Variants in TDRD9 observed in about 807,000 individuals in gnomAD.
TDRD9 encodes tudor domain containing 9, also known as ATP-dependent RNA helicase TDRD9.
Under a neutral mutation model 172.6 loss-of-function variants are expected in TDRD9, and 124 were observed. The observed-to-expected ratio is 0.72, with a 90% confidence interval of 0.62 to 0.83. The LOEUF (loss-of-function observed/expected upper bound fraction) is 0.83. Among genes scored for constraint, TDRD9 ranks in the 40% least tolerant of loss-of-function variants. TDRD9 has a pLI of 0.00. For synonymous variants in TDRD9, 619 were observed against 617.1 expected (o/e 1.00, Z -0.05); for missense variants, 1,479 against 1,714.1 (o/e 0.86, Z 2.42).
At chr14:104,024,701 C>A in intron 25 of TDRD9, 21 bp downstream of exon 25, 1 of 1,367,022 alleles carries the variant, frequency 7.3e-7, no homozygotes, top group Non-Finnish European at 1.0e-6. Flanking sequence ...AGTAATTGAG[C>A]TTTTCCTTCT....
At chr14:103,971,000 T>C (rs908203357) in intron 6 of TDRD9, among the ~76,000 whole-genome samples, 2 of 152,136 alleles carry the variant, frequency 1.3e-5, no homozygotes, top group Admixed American at 6.5e-5. Flanking sequence ...TTTTTTTTTT[T>C]TGAGACGGAG....
intron 12 of TDRD9, among the ~76,000 whole-genome samples, chr14:103,996,946 G>A (rs2034080311): frequency 6.6e-6 from 1 of 152,080 alleles, no homozygotes; most frequent in Admixed American, 6.5e-5. Context: ...GGTAGGAGAA[G>A]GCAAGAGTGT....
intron 33 of TDRD9, among the ~76,000 whole-genome samples, chr14:104,041,217 T>C (rs2035603201): frequency 1.3e-5 from 2 of 152,176 alleles, no homozygotes; most frequent in Non-Finnish European, 2.9e-5. Context: ...AAGGGGCTTA[T>C]GGGCTTGAAA....
intron 9 of TDRD9, among the ~76,000 whole-genome samples, chr14:103,991,487 AC>A (rs1254861449): frequency 6.6e-6 from 1 of 151,536 alleles, no homozygotes; most frequent in East Asian, 1.9e-4. Flanking sequence ...ATCTTGGCTC[AC>A]TGCAACCTCT....
chr14:103,969,745 T>C (rs534459565), intron 5 of TDRD9, among the ~76,000 whole-genome samples: 1 of 145,384 alleles, frequency 6.9e-6, no homozygotes, highest in South Asian at 2.1e-4. Flanking sequence ...TGATGTTTCC[T>C]AAGTTCTAGA....
Position 103,966,801 on chromosome 14 carries a change from G to T in TDRD9, c.735G>T (p.Leu245Phe), listed in dbSNP as rs1382410617. The change falls in exon 5 of 36, where the codon TTG (leucine) becomes TTT (phenylalanine). Residue 245 changes from leucine (L) to phenylalanine (F), a missense_variant. Around this residue, in one of 3 missense-constraint regions of TDRD9, gnomAD observed 1,413 missense variants for 1,649.1 expected, o/e 0.86. Coordinates refer to ENST00000409874, the MANE Select transcript of TDRD9 (RefSeq NM_153046.3). Reference protein sequence around the residue: ...LLQKIVSAKSLMEFTHIIIDE... With the variant: ...LLQKIVSAKSFMEFTHIIIDE... ...AGAAAATAGTTAGTGCCAAGAGTTT[G>T]ATGGAATTCACACATATCATCATTG... 6.4e-7 allele frequency: 1 copy of T among 1,550,878 alleles called. No homozygotes were observed.
At chr14:104,013,746 G>A (rs1209210348) in intron 20 of TDRD9, 1 of 151,632 alleles carries the variant, frequency 6.6e-6, no homozygotes, top group Non-Finnish European at 1.5e-5. Flanking sequence ...CATGCTGATT[G>A]GGTGTTGCAT....
At chr14:103,967,004 T>G (rs1196377016) in intron 5 of TDRD9, among the ~76,000 whole-genome samples, 173 bp downstream of exon 5, 1 of 152,220 alleles carries the variant, frequency 6.6e-6, no homozygotes, top group African/African-American at 2.4e-5. Flanking sequence ...TGTTTATATT[T>G]TAAACATGAG....
intron 21 of TDRD9, 27 bp from the exon 22 acceptor site, chr14:104,015,954 C>T: frequency 6.7e-7 from 1 of 1,489,990 alleles, no homozygotes; most frequent in Non-Finnish European, 9.2e-7. Context: ...AATGCTGTTA[C>T]TTCATGAAAA....
chr14:104,051,093 A>C (rs963988156), intron 35 of TDRD9, among the ~76,000 whole-genome samples: 1 of 152,184 alleles, frequency 6.6e-6, no homozygotes, highest in Non-Finnish European at 1.5e-5. Flanking sequence ...AGTACCCAAT[A>C]GGTAGCTTTT....
chr14:104,007,032 G>A lies in TDRD9; in HGVS notation c.2008-128G>A, dbSNP rs535963749. Reference sequence around the variant, plus strand: ...GAGTGAGGTGGAAGTCCAATTTTATGAAATTGATTGAAAAAATTAAATTTG... The same window carrying A: ...GAGTGAGGTGGAAGTCCAATTTTATAAAATTGATTGAAAAAATTAAATTTG... On this transcript the variant is annotated intron_variant, in intron 18 of 35. Coordinates refer to ENST00000409874, the MANE Select transcript of TDRD9 (RefSeq NM_153046.3). The A allele has an allele frequency of 2.5e-3, 2,742 of 1,080,668 alleles. 10 individuals are homozygous for A. Among genetic ancestry groups the A allele is most frequent in the Non-Finnish European group, 3.3e-3 (2,467 of 751,418 alleles). The allele number at this position is 1,080,668 out of a possible 1,614,324, so 66.9% of individuals were successfully genotyped here.
At chr14:104,029,462 A>G (rs565070309) in intron 28 of TDRD9, among the ~76,000 whole-genome samples, 1 of 152,134 alleles carries the variant, frequency 6.6e-6, no homozygotes, top group Admixed American at 6.5e-5. Flanking sequence ...TGCTTTCTTG[A>G]TATCTTTTTT....
At chr14:104,047,548 G>T (rs2035815480) in intron 34 of TDRD9, among the ~76,000 whole-genome samples, 1 of 152,058 alleles carries the variant, frequency 6.6e-6, no homozygotes, top group African/African-American at 2.4e-5. Context: ...TTGCAGTTTT[G>T]AATTTTTTCA....
intron 1 of TDRD9, among the ~76,000 whole-genome samples, chr14:103,951,700 G>C (rs1363031832): frequency 1.3e-5 from 2 of 152,206 alleles, no homozygotes; most frequent in Non-Finnish European, 2.9e-5. Flanking sequence ...TCTGGTACTA[G>C]CTACTAATTC....
chr14:103,931,765 T>C (rs951028100), intron 1 of TDRD9, among the ~76,000 whole-genome samples: 3 of 152,188 alleles, frequency 2.0e-5, no homozygotes, highest in Non-Finnish European at 4.4e-5. Context: ...ACAGGAAGAT[T>C]AGCTAGATTG....
At position 103,994,528 on chromosome 14, in the gene TDRD9, C is replaced by T; in HGVS notation, c.1245C>T (p.Val415=). 6.2e-7 allele frequency: 1 copy of T among 1,613,756 alleles called. No individual in the cohort carries two copies. ...LTSLVHKRLQ[V]YPLHSSVALE... The stretch of plus-strand genomic sequence containing the variant: ...TTTAGTAATTTCTTAGGTTGCAGGT[C>T]TATCCACTCCATTCAAGTGTGGCTT... Residue 415 remains valine (V), a synonymous_variant, in exon 11 of 36, where the codon GTC becomes GTT. Transcript: ENST00000409874.
chr14:103,975,588 C>T (rs10147923), intron 7 of TDRD9, 35 bp downstream of exon 7: 537,757 of 1,551,940 alleles, frequency 0.35, 94,003 homozygotes, highest in Middle Eastern at 0.38. Context: ...TTATAGTGAG[C>T]GTACTCTTGT....
intron 8 of TDRD9, among the ~76,000 whole-genome samples, chr14:103,986,976 T>C (rs2033683526): frequency 6.6e-6 from 1 of 152,108 alleles, no homozygotes; most frequent in Non-Finnish European, 1.5e-5. Context: ...TAGCTGGGCA[T>C]GGTGGTGCGC....
chr14:103,973,459 G>A (rs150059622), intron 6 of TDRD9, among the ~76,000 whole-genome samples: 4 of 152,206 alleles, frequency 2.6e-5, no homozygotes, highest in African/African-American at 9.6e-5. Flanking sequence ...CACTGACCTT[G>A]TTGTCACCTC....
Sources: allele counts gnomAD v4.1 joint callset (sites outside exome capture counted in the v4.1 genomes callset), GRCh38; gene constraint gnomAD v4.1.1; regional missense constraint gnomAD v4.1.1; transcripts MANE v1.5; gene names NCBI Gene and HGNC (gene_info 2026-07-23, HGNC 2026-07-21).